Variants in ARF4 observed in about 807,000 individuals in gnomAD.
The protein encoded by ARF4 is ADP-ribosylation factor 4.
Under a neutral mutation model 24.3 loss-of-function variants are expected in ARF4, and 5 were observed. The ratio of observed to expected loss-of-function variants is 0.21; its 90% CI spans 0.11 to 0.43. The LOEUF (loss-of-function observed/expected upper bound fraction) is 0.43. Among genes scored for constraint, ARF4 ranks in the 20% least tolerant of loss-of-function variants. The pLI is 1.00. For missense variants in ARF4, 107 were observed against 213.0 expected (o/e 0.50, Z 3.10); for synonymous variants, 62 against 73.5 (o/e 0.84, Z 0.80).
chr3:57,579,410 C>A (rs890589390), intron 3 of ARF4, among the ~76,000 whole-genome samples: 6 of 151,978 alleles, frequency 3.9e-5, no homozygotes, highest in Admixed American at 3.9e-4. Context: ...GCCTCAGCCT[C>A]CTGAGTAGCT....
chr3:57,575,843 T>C (rs1280714076), intron 4 of ARF4, among the ~76,000 whole-genome samples, 170 bp from the exon 5 acceptor site: 1 of 152,180 alleles, frequency 6.6e-6, no homozygotes, highest in African/African-American at 2.4e-5. Context: ...AGTTTTTAAA[T>C]CCAGAGCAAA....
chr3:57,583,020 G>C (rs2069994732), intron 3 of ARF4, among the ~76,000 whole-genome samples: 1 of 152,142 alleles, frequency 6.6e-6, no homozygotes, highest in African/African-American at 2.4e-5. Context: ...CCATCTAGTG[G>C]GTAGAGGACA....
chr3:57,582,856 C>T (rs11130591), intron 3 of ARF4, among the ~76,000 whole-genome samples: 24,744 of 152,148 alleles, frequency 0.16, 2,674 homozygotes, highest in East Asian at 0.48. Context: ...ACAAACTCTC[C>T]CATCTTGGGT....
intron 3 of ARF4, among the ~76,000 whole-genome samples, chr3:57,579,202 C>T (rs866033372): frequency 2.6e-5 from 3 of 114,926 alleles, no homozygotes; most frequent in South Asian, 6.1e-4. Flanking sequence ...TGCAGTGAGC[C>T]GAGATGGCGC....
At chr3:57,584,321 T>C (rs2070011610) in intron 2 of ARF4, 63 bp downstream of exon 2, 2 of 1,325,822 alleles carry the variant, frequency 1.5e-6, no homozygotes, top group Non-Finnish European at 2.1e-6. Context: ...ATCTCAAAAC[T>C]AGACTGTATA....
At chr3:57,592,478 A>T (rs1303689797) in intron 1 of ARF4, among the ~76,000 whole-genome samples, 1 of 151,956 alleles carries the variant, frequency 6.6e-6, no homozygotes, top group Non-Finnish European at 1.5e-5. Context: ...ACACAGTGAG[A>T]CTCCATCTCA....
At chr3:57,592,343 C>T (rs1364475831) in intron 1 of ARF4, among the ~76,000 whole-genome samples, 3 of 151,988 alleles carry the variant, frequency 2.0e-5, no homozygotes, top group African/African-American at 4.8e-5. Context: ...GAAAATTAGC[C>T]GGGCATGGTG....
intron 3 of ARF4, among the ~76,000 whole-genome samples, chr3:57,577,922 G>A (rs778699795): frequency 6.6e-6 from 1 of 152,022 alleles, no homozygotes; most frequent in Non-Finnish European, 1.5e-5. Context: ...AGGTGTGGTG[G>A]TGCATGCCTT....
At chr3:57,596,396 T>G (rs1332351594) in intron 1 of ARF4, among the ~76,000 whole-genome samples, 1 of 152,204 alleles carries the variant, frequency 6.6e-6, no homozygotes, top group African/African-American at 2.4e-5. Context: ...ACATTTAAAG[T>G]TTTTGAAAAT....
At chr3:57,584,090 G>A (rs2070007767) in intron 2 of ARF4, 83 bp from the exon 3 acceptor site, 1 of 928,514 alleles carries the variant, frequency 1.1e-6, no homozygotes, top group African/African-American at 1.7e-5. Flanking sequence ...TTAGAATAGT[G>A]TTTTTAAAGT....
intron 1 of ARF4, among the ~76,000 whole-genome samples, chr3:57,596,454 C>A (rs1008191616): frequency 1.3e-5 from 2 of 152,184 alleles, no homozygotes; most frequent in Admixed American, 1.3e-4. Context: ...ATGAGATTAA[C>A]AAGGAGCGAA....
intron 5 of ARF4, among the ~76,000 whole-genome samples, chr3:57,574,724 T>C (rs956535454): frequency 1.3e-5 from 2 of 152,098 alleles, no homozygotes; most frequent in South Asian, 2.1e-4. Flanking sequence ...TAAACTGTTA[T>C]GTTAACAAGC....
intron 3 of ARF4, among the ~76,000 whole-genome samples, chr3:57,580,802 A>T (rs991248054): frequency 1.3e-5 from 2 of 148,812 alleles, no homozygotes; most frequent in Non-Finnish European, 3.0e-5. Flanking sequence ...ATGTAAAGAC[A>T]GGGTCTCACT....
chr3:57,574,719 T>C (rs1030825410), intron 5 of ARF4, among the ~76,000 whole-genome samples: 1 of 152,048 alleles, frequency 6.6e-6, no homozygotes, highest in African/African-American at 2.4e-5. Flanking sequence ...CTCCATAAAC[T>C]GTTATGTTAA....
At chr3:57,594,409 C>T (rs1484025372) in intron 1 of ARF4, among the ~76,000 whole-genome samples, 4 of 152,126 alleles carry the variant, frequency 2.6e-5, no homozygotes, top group Non-Finnish European at 5.9e-5. Context: ...CTTCCTAACT[C>T]GAGCAGTATG....
chr3:57,589,325 G>A (rs904655470), intron 1 of ARF4, among the ~76,000 whole-genome samples: 30 of 152,152 alleles, frequency 2.0e-4, no homozygotes, highest in African/African-American at 7.2e-4. Flanking sequence ...CTACGTGGGA[G>A]GCTGAGGCAG....
chr3:57,574,466 T>C (rs1184367788), intron 5 of ARF4, among the ~76,000 whole-genome samples: 1 of 150,518 alleles, frequency 6.6e-6, no homozygotes, highest in Non-Finnish European at 1.5e-5. Flanking sequence ...TGGGGTGCAA[T>C]GGGCACAATC....
intron 3 of ARF4, among the ~76,000 whole-genome samples, 189 bp from the exon 4 acceptor site, chr3:57,577,576 T>A (rs1039093386): frequency 6.6e-6 from 1 of 152,216 alleles, no homozygotes; most frequent in Non-Finnish European, 1.5e-5. Flanking sequence ...ATTAGTGCTA[T>A]TTCAAATCTA....
At chr3:57,596,825 GA>G in intron 1 of ARF4, 1 of 498,648 alleles carries the variant, frequency 2.0e-6, no homozygotes, top group Non-Finnish European at 3.6e-6. Context: ...AGATCAAGGA[GA>G]AAAAGCCGAG....
Sources: gnomAD v4.1 joint callset for allele counts (sites outside exome capture counted in the v4.1 genomes callset) on GRCh38, gnomAD v4.1.1 for gene constraint, MANE v1.5 for transcripts, NCBI Gene and HGNC (gene_info 2026-07-23, HGNC 2026-07-21) for gene names.